The following EVC2 variants were observed in gnomAD, a reference collection of about 807,000 sequenced individuals.
The protein encoded by EVC2 is EvC ciliary complex subunit 2.
EVC2 carries 148 observed loss-of-function variants against 149.3 expected under a neutral mutation model. That is an observed-to-expected ratio of 0.99 (90% CI 0.87 to 1.14). The LOEUF (loss-of-function observed/expected upper bound fraction) is 1.14, where lower values mean the gene tolerates loss of function less well. EVC2 is among the 50% of genes most tolerant of loss of function. The probability of loss-of-function intolerance (pLI) is 0.00; values close to 1 mark genes in which losing one functional copy is unlikely to be tolerated. For missense variants in EVC2, 1,854 were observed against 1,627.3 expected (o/e 1.14, Z -2.40); for synonymous variants, 776 against 649.9 (o/e 1.19, Z -2.95).
At chr4:5,574,082 C>G (rs1030640009) in intron 19 of EVC2, among the ~76,000 whole-genome samples, 1 of 152,234 alleles carries the variant, frequency 6.6e-6, no homozygotes, top group African/African-American at 2.4e-5. Flanking sequence ...TCGTGTGGCT[C>G]GCATTCACCA....
intron 16 of EVC2, among the ~76,000 whole-genome samples, chr4:5,593,438 G>T (rs2108799552): frequency 6.6e-6 from 1 of 152,262 alleles, no homozygotes; most frequent in South Asian, 2.1e-4. Flanking sequence ...TTCTTCTTAG[G>T]AGGTGAGAAT....
At chr4:5,676,599 T>A (rs1720010583) in intron 7 of EVC2, among the ~76,000 whole-genome samples, 1 of 152,138 alleles carries the variant, frequency 6.6e-6, no homozygotes, top group South Asian at 2.1e-4. Context: ...AAGAGTAGTG[T>A]TTGGTTCATG....
intron 7 of EVC2, among the ~76,000 whole-genome samples, chr4:5,678,091 C>T (rs919948101): frequency 2.0e-5 from 3 of 152,352 alleles, no homozygotes; most frequent in South Asian, 4.1e-4. Context: ...TCCTGTAGGG[C>T]TGGGCCTCAG....
chr4:5,563,429 C>T (rs1344838929), intron 21 of EVC2, among the ~76,000 whole-genome samples: 1 of 152,180 alleles, frequency 6.6e-6, no homozygotes, highest in Non-Finnish European at 1.5e-5. Context: ...TCACTGCAAC[C>T]TCCACCTCCC....
At chr4:5,627,477 A>G (rs1078757) in intron 12 of EVC2, among the ~76,000 whole-genome samples, 14,774 of 152,134 alleles carry the variant, frequency 0.097, 1,400 homozygotes, top group African/African-American at 0.24. Flanking sequence ...ACCTTACGGA[A>G]TCCTCATTAA....
chr4:5,620,268 T>A (rs1171491894), intron 14 of EVC2, among the ~76,000 whole-genome samples: 1 of 152,194 alleles, frequency 6.6e-6, no homozygotes, highest in Admixed American at 6.5e-5. Context: ...TGAAAGCAAC[T>A]CTGAGATGAC....
At chr4:5,560,128 C>T (rs955238788), downstream of EVC2, among the ~76,000 whole-genome samples, 2 of 151,602 alleles carry the variant, frequency 1.3e-5, no homozygotes, top group South Asian at 4.2e-4. The surrounding 1 kb of genome is among the most constrained non-coding windows in gnomAD (Gnocchi z 4.1). Flanking sequence ...ACACAGGGAG[C>T]CGAGCCCCTG....
intron 16 of EVC2, among the ~76,000 whole-genome samples, chr4:5,599,744 C>A (rs1213692072): frequency 6.6e-6 from 1 of 152,128 alleles, no homozygotes; most frequent in South Asian, 2.1e-4. Context: ...AAGAAGATTC[C>A]CATTCTAGCG....
chr4:5,580,569 G>A (rs1184795195), intron 17 of EVC2, among the ~76,000 whole-genome samples: 1 of 152,168 alleles, frequency 6.6e-6, no homozygotes, highest in East Asian at 1.9e-4. Context: ...ATCATGCACT[G>A]GAGGCTAAAT....
chr4:5,590,368 T>A (rs1712677578), intron 16 of EVC2, among the ~76,000 whole-genome samples: 1 of 152,104 alleles, frequency 6.6e-6, no homozygotes, highest in Non-Finnish European at 1.5e-5. Flanking sequence ...TGAATGGGCC[T>A]CCTGTTGGCC....
chr4:5,596,661 T>C (rs1364400988), intron 16 of EVC2, among the ~76,000 whole-genome samples: 5 of 151,956 alleles, frequency 3.3e-5, no homozygotes, highest in Non-Finnish European at 7.4e-5. Context: ...TTAAAAGAAC[T>C]ACAGAAGTAA....
chr4:5,628,417 C>T (rs986769085), intron 12 of EVC2, 142 bp downstream of exon 12: 33 of 1,050,224 alleles, frequency 3.1e-5, no homozygotes, highest in Middle Eastern at 2.9e-4. Flanking sequence ...GGCCCTCACT[C>T]GATCTTGAAC....
chr4:5,683,623 G>C (rs1720494321), intron 6 of EVC2, among the ~76,000 whole-genome samples: 1 of 152,130 alleles, frequency 6.6e-6, no homozygotes. Flanking sequence ...AAGGGGTAGA[G>C]TCAATATCAC....
At chr4:5,708,596 G>A (rs1410560919), upstream of EVC2, 4 of 1,058,786 alleles carry the variant, frequency 3.8e-6, no homozygotes, top group Admixed American at 4.1e-5. Flanking sequence ...CCCCGCCGCC[G>A]AGCATGCTCA....
rs1406298274 is a variant in EVC2, at chr4:5,597,599, A to C, written c.2830-12749T>G. ...AATAAGAGCTATCTATGACAAACCC[A>C]CAGCCAATATCACACTGAATGGGCA... is the stretch of plus-strand genomic sequence containing the variant. On this transcript the variant is annotated intron_variant, in intron 16 of 21. Transcript: ENST00000344408. Among the ~76,000 whole-genome samples the C allele has an allele frequency of 6.6e-5, 10 of 151,242 alleles. No homozygotes were observed. In the South Asian group the frequency reaches 8.5e-4, roughly 13 times the overall value.
intron 1 of EVC2, among the ~76,000 whole-genome samples, chr4:5,705,734 C>G (rs1020198389): frequency 6.6e-6 from 1 of 152,004 alleles, no homozygotes; most frequent in Non-Finnish European, 1.5e-5. Context: ...AAAACCCCAT[C>G]GCACAATTGT....
At chr4:5,533,594 C>T in the EVC2 span, among the ~76,000 whole-genome samples, 19 of 152,212 alleles carry the variant, frequency 1.2e-4, no homozygotes, top group Non-Finnish European at 2.5e-4. Context: ...GCTTGTCTCA[C>T]GCCCTGCAGC....
intron 12 of EVC2, 52 bp downstream of exon 12, chr4:5,628,507 G>A: frequency 3.1e-6 from 5 of 1,593,718 alleles, no homozygotes; most frequent in Non-Finnish European, 4.3e-6. Flanking sequence ...TGTCATAGCA[G>A]CAGAAAACAG....
In EVC2 at chr4:5,637,537, T is replaced by A. The variant is rs1464715580; in HGVS notation, c.1470+2977A>T. On this transcript the variant is annotated intron_variant, in intron 10 of 21. Transcript: ENST00000344408. This position sits in a 1 kb window ranked among gnomAD's most constrained non-coding sequence, Gnocchi z 4.4. ...GAGCTGTTATTGTTACACATCGTAT[T>A]TTTTAAGAGTATTTAATAAAATCAG... Among the ~76,000 whole-genome samples, 1 of 152,216 alleles carries A rather than the reference T, an allele frequency of 6.6e-6. No individual in the cohort carries two copies. The highest frequency in any genetic ancestry group is 1.5e-5 in the Non-Finnish European group (1 of 68,042).
Sources: allele counts gnomAD v4.1 joint callset (sites outside exome capture counted in the v4.1 genomes callset), GRCh38; gene constraint gnomAD v4.1.1; non-coding constraint Gnocchi (gnomAD v3.1); transcripts MANE v1.5; gene names NCBI Gene and HGNC (gene_info 2026-07-23, HGNC 2026-07-21).